Variants in ERBB4 observed in about 807,000 individuals in gnomAD.
ERBB4 encodes receptor tyrosine-protein kinase erbB-4.
In ERBB4, 42 loss-of-function variants were observed where a neutral mutation model predicts 158.0. That is an observed-to-expected ratio of 0.27 (90% CI 0.21 to 0.34). The LOEUF (loss-of-function observed/expected upper bound fraction) is 0.34. ERBB4 is among the 10% of genes least tolerant of loss of function. ERBB4 has a pLI of 1.00. For synonymous variants in ERBB4, 583 were observed against 558.7 expected, an observed-to-expected ratio of 1.04 and a Z score of -0.61; for missense variants, 1,333 against 1,624.1, an observed-to-expected ratio of 0.82 and a Z score of 3.08.
intron 1 of ERBB4, among the ~76,000 whole-genome samples, chr2:212,273,622 C>G (rs750100559): frequency 6.6e-6 from 1 of 151,756 alleles, no homozygotes; most frequent in Non-Finnish European, 1.5e-5. Flanking sequence ...CATTCATCCC[C>G]ACACAAAAAA....
At chr2:212,330,897 C>CAT (rs920424555) in intron 1 of ERBB4, among the ~76,000 whole-genome samples, 4 of 150,832 alleles carry the variant, frequency 2.7e-5, no homozygotes, top group African/African-American at 4.8e-5. Flanking sequence ...TGGGTAGAAT[C>CAT]ATATATATAT....
Position 211,419,447 on chromosome 2 carries a change from T to TC in ERBB4, c.3135+993dup, listed in dbSNP as rs533288634. On this transcript the variant is annotated intron_variant, in intron 25 of 27. Transcript: ENST00000342788. The stretch of plus-strand genomic sequence containing the variant: ...TTCTTATGGCTATGGTCAAGAGAAA[T>TC]CGGATGCTGTCGGTTCTACTAGCTA... Among the ~76,000 whole-genome samples the TC allele has an allele frequency of 3.1e-3, 467 of 152,210 alleles. 1 individual carries two copies. The highest frequency in any genetic ancestry group is 0.011 in the African/African-American group (442 of 41,568).
At chr2:212,091,923 T>C (rs1232089982) in intron 2 of ERBB4, among the ~76,000 whole-genome samples, 2 of 152,162 alleles carry the variant, frequency 1.3e-5, no homozygotes, top group African/African-American at 4.8e-5. Flanking sequence ...TTCCCACTCT[T>C]TATATTAGTA....
At chr2:212,508,868 TC>T (rs2106269515) in intron 1 of ERBB4, among the ~76,000 whole-genome samples, 1 of 152,262 alleles carries the variant, frequency 6.6e-6, no homozygotes, top group South Asian at 2.1e-4. Flanking sequence ...TTATTGCATC[TC>T]CAAATTTCTT....
At chr2:211,401,943 ATATAT>A (rs768725390) in intron 25 of ERBB4, among the ~76,000 whole-genome samples, 5 of 151,416 alleles carry the variant, frequency 3.3e-5, no homozygotes, top group South Asian at 2.1e-4. Flanking sequence ...TAATATAATA[ATATAT>A]TATATATTAC....
chr2:212,121,363 C>A (rs1313931009), intron 2 of ERBB4, among the ~76,000 whole-genome samples: 1 of 152,168 alleles, frequency 6.6e-6, no homozygotes, highest in Non-Finnish European at 1.5e-5. Flanking sequence ...CAGATGCCTG[C>A]AACCACACCT....
At chr2:212,042,549 C>G (rs2077165540) in intron 2 of ERBB4, among the ~76,000 whole-genome samples, 1 of 151,950 alleles carries the variant, frequency 6.6e-6, no homozygotes, top group Non-Finnish European at 1.5e-5. Context: ...TTTTGTTTTT[C>G]TTTATGCTAC....
At chr2:211,981,165 A>G (rs2081784277) in intron 2 of ERBB4, among the ~76,000 whole-genome samples, 1 of 152,154 alleles carries the variant, frequency 6.6e-6, no homozygotes, top group African/African-American at 2.4e-5. Context: ...AATAAGTGAG[A>G]GAGGACGCTG....
chr2:211,665,020 C>A (rs1054585527), intron 15 of ERBB4, among the ~76,000 whole-genome samples: 2 of 152,178 alleles, frequency 1.3e-5, no homozygotes, highest in Non-Finnish European at 2.9e-5. Context: ...TTTCTGAGAT[C>A]TTGAATCTCC....
chr2:211,561,138 T>C (rs972356107), intron 20 of ERBB4, among the ~76,000 whole-genome samples: 4 of 152,218 alleles, frequency 2.6e-5, no homozygotes, highest in Non-Finnish European at 5.9e-5. Flanking sequence ...TTAGAATGTA[T>C]ACTAGAAGTT....
At chr2:212,384,918 T>TAC (rs1425152383) in intron 1 of ERBB4, among the ~76,000 whole-genome samples, 2,699 of 133,698 alleles carry the variant, frequency 0.02, 99 homozygotes, top group African/African-American at 0.078. Context: ...TATATATATA[T>TAC]ATACACACAC....
At chr2:211,814,614 C>T (rs148481650) in intron 3 of ERBB4, among the ~76,000 whole-genome samples, 35 of 151,666 alleles carry the variant, frequency 2.3e-4, no homozygotes, top group Non-Finnish European at 3.7e-4. Context: ...GGCATTTTAG[C>T]GAGACAGATA....
At chr2:212,279,814 T>C (rs2085685097) in intron 1 of ERBB4, among the ~76,000 whole-genome samples, 1 of 151,584 alleles carries the variant, frequency 6.6e-6, no homozygotes, top group African/African-American at 2.4e-5. Context: ...GGTCATTGGT[T>C]TCTAGAGAAA....
chr2:211,646,826 T>C (rs1250511707), intron 16 of ERBB4, among the ~76,000 whole-genome samples: 3 of 151,626 alleles, frequency 2.0e-5, no homozygotes, highest in South Asian at 4.1e-4. Context: ...CTATTTTCCA[T>C]GCAAAAGCAA....
chr2:211,640,694 A>C (rs189579298), intron 16 of ERBB4, among the ~76,000 whole-genome samples: 173 of 152,328 alleles, frequency 1.1e-3, no homozygotes, highest in African/African-American at 3.6e-3. Flanking sequence ...GTTGTAAGAT[A>C]GATAAGCAGG....
intron 1 of ERBB4, among the ~76,000 whole-genome samples, chr2:212,373,938 TC>T (rs1415792405): frequency 2.4e-5 from 2 of 82,718 alleles, no homozygotes; most frequent in Non-Finnish European, 4.6e-5. Context: ...TCCATATATA[TC>T]CATATATATA....
At chr2:211,624,113 C>T (rs2069743991) in intron 17 of ERBB4, 69 bp from the exon 18 acceptor site, 5 of 1,591,662 alleles carry the variant, frequency 3.1e-6, no homozygotes, top group East Asian at 4.5e-5. Context: ...GTCTCTCTCT[C>T]TCTCTCTCTC....
At chr2:212,413,245 C>T (rs1391800995) in intron 1 of ERBB4, among the ~76,000 whole-genome samples, 1 of 150,422 alleles carries the variant, frequency 6.6e-6, no homozygotes, top group Non-Finnish European at 1.5e-5. Flanking sequence ...CTCGGCCTCC[C>T]AAAGTGCTGG....
intron 1 of ERBB4, among the ~76,000 whole-genome samples, chr2:212,278,245 T>C (rs1425877389): frequency 2.0e-5 from 3 of 151,728 alleles, no homozygotes; most frequent in South Asian, 4.1e-4. Flanking sequence ...TCTGTAGAAA[T>C]TGCCATAATA....
Sources: gnomAD v4.1 joint callset for allele counts (sites outside exome capture counted in the v4.1 genomes callset) on GRCh38, gnomAD v4.1.1 for gene constraint, MANE v1.5 for transcripts, NCBI Gene and HGNC (gene_info 2026-07-23, HGNC 2026-07-21) for gene names.